SHROOM3: variants seen among roughly 807,000 people sequenced by gnomAD.
SHROOM3 encodes shroom family member 3, also known as protein Shroom3.
A neutral mutation model predicts 138.6 loss-of-function variants in SHROOM3; 47 were observed. The observed-to-expected ratio is 0.34, with a 90% CI of 0.27 to 0.43. The LOEUF is 0.43. Among genes scored for constraint, SHROOM3 ranks in the 20% least tolerant of loss-of-function variants. The probability of loss-of-function intolerance (pLI) is 1.00; values close to 1 mark genes in which losing one functional copy is unlikely to be tolerated. For synonymous variants in SHROOM3, 1,062 were observed against 1,063.3 expected, an observed-to-expected ratio of 1.00 and a Z score of 0.02; for missense variants, 2,491 against 2,596.5, an observed-to-expected ratio of 0.96 and a Z score of 0.88.
intron 1 of SHROOM3, among the ~76,000 whole-genome samples, chr4:76,470,004 G>A (rs932794554): frequency 6.6e-6 from 1 of 152,152 alleles, no homozygotes; most frequent in Non-Finnish European, 1.5e-5. Context: ...GACATACACA[G>A]ACAGATTTAA....
chr4:76,575,081 A>C (rs1323696532), intron 2 of SHROOM3, among the ~76,000 whole-genome samples: 2 of 152,278 alleles, frequency 1.3e-5, no homozygotes, highest in African/African-American at 4.8e-5. Flanking sequence ...TCTTCTCAAT[A>C]GAATGAAGAA....
chr4:76,565,654 T>A lies in SHROOM3; in HGVS notation c.323+9891T>A, dbSNP rs115588770. Among the ~76,000 whole-genome samples the A allele has an allele frequency of 5.8e-3, 881 of 152,192 alleles. 4 individuals are homozygous for A. Among genetic ancestry groups the A allele is most frequent in the African/African-American group, 0.02 (834 of 41,496 alleles). On this transcript the variant is annotated intron_variant, in intron 2 of 10. Transcript: ENST00000296043. Reference sequence around the variant, plus strand: ...CACACCACCACACCCAGATAATTTTTTTATTTTTTGTAGACAGAGTCTCGC... The same window carrying A: ...CACACCACCACACCCAGATAATTTTATTATTTTTTGTAGACAGAGTCTCGC...
intron 1 of SHROOM3, among the ~76,000 whole-genome samples, chr4:76,552,332 G>C (rs576653673): frequency 2.0e-5 from 3 of 150,804 alleles, no homozygotes; most frequent in Admixed American, 1.3e-4. Flanking sequence ...CACAGCAAAA[G>C]CCCATCTCTA....
At chr4:76,539,636 G>T (rs1474952284) in intron 1 of SHROOM3, among the ~76,000 whole-genome samples, 1 of 152,112 alleles carries the variant, frequency 6.6e-6, no homozygotes, top group Non-Finnish European at 1.5e-5. Flanking sequence ...TATGAAATAG[G>T]TATTATTAAC....
intron 1 of SHROOM3, among the ~76,000 whole-genome samples, chr4:76,536,563 A>AAG (rs2110018320): frequency 6.6e-6 from 1 of 152,320 alleles, no homozygotes; most frequent in African/African-American, 2.4e-5. Flanking sequence ...AGGTTTATAC[A>AAG]AGATCATAAC....
intron 1 of SHROOM3, among the ~76,000 whole-genome samples, chr4:76,484,821 G>A (rs1034591713): frequency 6.6e-6 from 1 of 152,116 alleles, no homozygotes; most frequent in Non-Finnish European, 1.5e-5. Context: ...AATGGATAAG[G>A]CCAGCCCTTT....
At chr4:76,441,086 G>GTTTTTTGTT (rs1553913334) in intron 1 of SHROOM3, among the ~76,000 whole-genome samples, 25 of 82,190 alleles carry the variant, frequency 3.0e-4, no homozygotes, top group African/African-American at 9.3e-4. Context: ...AGTTCAATTT[G>GTTTTTTGTT]TTTTTTTTTT....
intron 1 of SHROOM3, among the ~76,000 whole-genome samples, chr4:76,454,015 G>C (rs539922572): frequency 6.6e-6 from 1 of 152,034 alleles, no homozygotes; most frequent in Non-Finnish European, 1.5e-5. Flanking sequence ...TTGACATTTA[G>C]GACTTTGATC....
chr4:76,729,534 A>C (rs1720815521), intron 3 of SHROOM3, among the ~76,000 whole-genome samples: 1 of 152,180 alleles, frequency 6.6e-6, no homozygotes, highest in African/African-American at 2.4e-5. Context: ...TTTTTAAGTC[A>C]TCATCTATTT....
chr4:76,767,439 G>T (rs71607375), intron 9 of SHROOM3, among the ~76,000 whole-genome samples: 9,349 of 152,262 alleles, frequency 0.061, 317 homozygotes, highest in Non-Finnish European at 0.071. Context: ...AGCACTTTGG[G>T]AGGCCAAGGC....
intron 9 of SHROOM3, 96 bp downstream of exon 9, chr4:76,759,791 G>A (rs2110147788): frequency 1.4e-6 from 2 of 1,441,178 alleles, no homozygotes; most frequent in South Asian, 1.2e-5. Context: ...TGAGGCAGGT[G>A]GGGAAAGGAC....
Position 76,741,373 on chromosome 4 carries a change from C to T in SHROOM3, c.3200C>T (p.Ala1067Val), listed in dbSNP as rs1344553981. ...CGTCTCTTCGAGCGCGATGGCAAGGCCTGCTCCACGCTCAGCCTGTCGGGG... is the reference window on the plus strand; with the variant it reads ...CGTCTCTTCGAGCGCGATGGCAAGGTCTGCTCCACGCTCAGCCTGTCGGGG... Reference protein sequence around the residue: ...RRRLFERDGKACSTLSLSGPE... With the variant: ...RRRLFERDGKVCSTLSLSGPE... Residue 1067 changes from alanine (A) to valine (V), a missense_variant, in exon 5 of 11, where the codon GCC (alanine) becomes GTC (valine). Physicochemically the swap from Ala to Val is moderately conservative, Grantham distance 64. Coordinates refer to ENST00000296043, the MANE Select transcript of SHROOM3 (RefSeq NM_020859.4). This position sits in a 1 kb window ranked among gnomAD's most constrained non-coding sequence, Gnocchi z 6.2. 3.1e-6 allele frequency: 5 copies of T among 1,604,916 alleles called. No individual in the cohort carries two copies. Among genetic ancestry groups the T allele is most frequent in the East Asian group, 2.2e-5 (1 of 44,462 alleles).
intron 1 of SHROOM3, among the ~76,000 whole-genome samples, chr4:76,486,054 G>C (rs1173259267): frequency 6.6e-6 from 1 of 151,904 alleles, no homozygotes; most frequent in Non-Finnish European, 1.5e-5. Context: ...AGGACTAGTT[G>C]CTTCCCACCT....
intron 4 of SHROOM3, among the ~76,000 whole-genome samples, chr4:76,735,346 G>A (rs1410051912): frequency 1.3e-5 from 2 of 152,142 alleles, no homozygotes; most frequent in Non-Finnish European, 2.9e-5. Context: ...ATCAGTGCCT[G>A]TATTCCCCAG....
chr4:76,697,712 T>C (rs532542224), intron 2 of SHROOM3, among the ~76,000 whole-genome samples: 1 of 152,344 alleles, frequency 6.6e-6, no homozygotes, highest in Admixed American at 6.5e-5. Flanking sequence ...GTAAAAATAC[T>C]TTGCATGTTG....
chr4:76,501,071 G>GCCTC (rs1732082559), intron 1 of SHROOM3, among the ~76,000 whole-genome samples: 1 of 152,130 alleles, frequency 6.6e-6, no homozygotes, highest in Admixed American at 6.5e-5. Flanking sequence ...TCCTGCCTCA[G>GCCTC]CCTCCCAAAG....
chr4:76,740,867 A>T lies in SHROOM3; in HGVS notation c.2694A>T (p.Pro898=). The T allele has an allele frequency of 3.9e-6, 6 of 1,556,566 alleles. No individual in the cohort carries two copies. The highest frequency in any genetic ancestry group is 5.2e-6 in the Non-Finnish European group (6 of 1,154,370). ...GCACCTTCCAGCTCTCCAGCGAGCC[A>T]GAGAGGGAGCCCGAGTGGCGGGACA... ...SQSTFQLSSE[P]EREPEWRDRP... is the part of the protein sequence containing the mutation. Residue 898 remains proline (P), a synonymous_variant, in exon 5 of 11, where the codon CCA becomes CCT. Coordinates refer to ENST00000296043, the MANE Select transcript of SHROOM3 (RefSeq NM_020859.4). The surrounding 1 kb of genome is among the most constrained non-coding windows in gnomAD (Gnocchi z 4.0).
chr4:76,748,417 C>T (rs1295142563), intron 5 of SHROOM3, among the ~76,000 whole-genome samples: 1 of 152,072 alleles, frequency 6.6e-6, no homozygotes, highest in African/African-American at 2.4e-5. Context: ...CAAAAACTGA[C>T]AACCCTTTCA....
intron 1 of SHROOM3, among the ~76,000 whole-genome samples, chr4:76,469,030 T>C (rs1489410256): frequency 1.5e-5 from 2 of 136,420 alleles, no homozygotes; most frequent in Non-Finnish European, 1.6e-5. Context: ...CGAGATTCCA[T>C]CTCCAAAAAA....
Sources: gnomAD v4.1 joint callset for allele counts (sites outside exome capture counted in the v4.1 genomes callset) on GRCh38, gnomAD v4.1.1 for gene constraint, Gnocchi (gnomAD v3.1) non-coding constraint, MANE v1.5 for transcripts, NCBI Gene and HGNC (gene_info 2026-07-23, HGNC 2026-07-21) for gene names.